Variants in CAPS2 observed in about 807,000 individuals in gnomAD.
CAPS2 encodes the protein calcyphosine 2.
In CAPS2, 98 loss-of-function variants were observed where a neutral mutation model predicts 86.5. The ratio of observed to expected loss-of-function variants is 1.13; its 90% confidence interval spans 0.96 to 1.34. CAPS2 has a LOEUF of 1.34. Among genes scored for constraint, CAPS2 ranks in the 40% most tolerant of loss-of-function variants. The pLI is 0.00. For synonymous variants in CAPS2, 210 were observed against 225.1 expected (o/e 0.93, Z 0.60); for missense variants, 729 against 686.8 (o/e 1.06, Z -0.69).
intron 1 of CAPS2, among the ~76,000 whole-genome samples, chr12:75,366,202 C>T (rs74108751): frequency 0.016 from 2,402 of 152,152 alleles, 51 homozygotes; most frequent in African/African-American, 0.055. Flanking sequence ...CAATCCATAA[C>T]AAAATACATA....
At chr12:75,363,339 A>G in intron 1 of CAPS2, 1 of 397,222 alleles carries the variant, frequency 2.5e-6, no homozygotes. Context: ...CATAAATTGT[A>G]ATACTTAAAC....
At chr12:75,334,788 T>C (rs2041602904), upstream of CAPS2, 7 of 1,613,948 alleles carry the variant, frequency 4.3e-6, no homozygotes, top group South Asian at 7.7e-5. Context: ...TGGTAGCCAC[T>C]ACATCTTCCA....
chr12:75,322,860 C>A, intron 4 of CAPS2: 1 of 605,104 alleles, frequency 1.7e-6, no homozygotes, highest in Non-Finnish European at 2.9e-6. Context: ...TTTCACCAAC[C>A]TTATGGTTTG....
chr12:75,306,173 A>C, intron 7 of CAPS2: 1 of 882,452 alleles, frequency 1.1e-6, no homozygotes, highest in African/African-American at 1.7e-5. Context: ...AATTACCTGA[A>C]GTACCGGCCC....
chr12:75,332,827 A>T (rs1382717849), upstream of CAPS2, among the ~76,000 whole-genome samples: 3 of 152,206 alleles, frequency 2.0e-5, no homozygotes, highest in Non-Finnish European at 4.4e-5. Flanking sequence ...AATAACATAA[A>T]TTCAGGAGGT....
exon 17 of CAPS2, chr12:75,278,808 T>G (rs1004635271): frequency 7.4e-7 from 1 of 1,352,412 alleles, no homozygotes; most frequent in Non-Finnish European, 9.5e-7. Context: ...GGAAAATATA[T>G]TCCAGTGTTT....
intron 1 of CAPS2, among the ~76,000 whole-genome samples, chr12:75,377,802 C>T (rs537264099): frequency 3.3e-5 from 5 of 150,962 alleles, no homozygotes; most frequent in African/African-American, 9.7e-5. Context: ...TTGCATCCTC[C>T]AATCCAATCA....
intron 13 of CAPS2, 142 bp downstream of exon 13, chr12:75,291,602 T>TATATATATAC (rs2035972207): frequency 1.5e-5 from 1 of 67,588 alleles, no homozygotes; most frequent in South Asian, 5.7e-4. Flanking sequence ...TATATATATA[T>TATATATATAC]ATATATATAT....
chr12:75,293,972 G>A (rs558118686), intron 11 of CAPS2, among the ~76,000 whole-genome samples: 17 of 151,918 alleles, frequency 1.1e-4, no homozygotes, highest in Middle Eastern at 3.4e-3. Flanking sequence ...TCGCACTGTC[G>A]CCCAGGCCGC....
At chr12:75,281,449 C>T (rs1215630248) in intron 16 of CAPS2, among the ~76,000 whole-genome samples, 1 of 151,780 alleles carries the variant, frequency 6.6e-6, no homozygotes, top group Non-Finnish European at 1.5e-5. Context: ...TAAGGTGGCT[C>T]AATGTGGATT....
chr12:75,325,150 A>G, intron 2 of CAPS2, 89 bp downstream of exon 3: 1 of 1,246,276 alleles, frequency 8.0e-7, no homozygotes, highest in South Asian at 1.6e-5. Context: ...TCATAGCTAC[A>G]TTTATAATTT....
chr12:75,326,418 T>G, exon 1 of CAPS2: 1 of 1,366,606 alleles, frequency 7.3e-7, no homozygotes, highest in Non-Finnish European at 1.0e-6. Context: ...GCTCACATAC[T>G]TGTAGAGGCT....
downstream of CAPS2, chr12:75,276,266 T>G (rs190158948): frequency 1.9e-6 from 3 of 1,538,778 alleles, no homozygotes; most frequent in Admixed American, 6.1e-5. Context: ...GATTATAGTT[T>G]ATCAGGGTAC....
exon 6 of CAPS2, chr12:75,316,344 C>T (rs990856276): frequency 3.9e-6 from 6 of 1,550,818 alleles, no homozygotes; most frequent in East Asian, 2.4e-5. Flanking sequence ...TGTTGTTTAT[C>T]GCAAGAGTTG....
intron 1 of CAPS2, among the ~76,000 whole-genome samples, chr12:75,387,076 T>C (rs184566546): frequency 1.3e-5 from 2 of 152,206 alleles, no homozygotes; most frequent in African/African-American, 4.8e-5. Flanking sequence ...CCATTAAAAC[T>C]AAAAATTTCT....
In CAPS2 at chr12:75,312,932, A is replaced by T; in HGVS notation, c.592-17T>A. On this transcript the variant is annotated splice_polypyrimidine_tract_variant and intron_variant, in intron 6 of 16. Transcript: ENST00000393284. ...CACAATTTCCTGGGAAGATTAAATAAAGACAACTTCACCATCCATAAAGCA... is the reference window on the plus strand; with the variant it reads ...CACAATTTCCTGGGAAGATTAAATATAGACAACTTCACCATCCATAAAGCA... The T allele has an allele frequency of 6.5e-7, 1 of 1,534,604 alleles. No homozygotes were observed. Among genetic ancestry groups the T allele is most frequent in the Non-Finnish European group, 9.0e-7 (1 of 1,109,050 alleles).
intron 1 of CAPS2, among the ~76,000 whole-genome samples, chr12:75,378,093 G>T (rs2044756795): frequency 6.6e-6 from 1 of 151,932 alleles, no homozygotes; most frequent in African/African-American, 2.4e-5. Context: ...CACCTACCAG[G>T]CTCAAGCAAT....
intron 1 of CAPS2, among the ~76,000 whole-genome samples, chr12:75,339,839 A>T (rs2041984909): frequency 6.6e-6 from 1 of 151,896 alleles, no homozygotes; most frequent in African/African-American, 2.4e-5. Flanking sequence ...AAAGTTATTT[A>T]CTGGTGATTT....
chr12:75,316,854 A>G (rs1400347156), intron 5 of CAPS2, among the ~76,000 whole-genome samples: 1 of 152,202 alleles, frequency 6.6e-6, no homozygotes, highest in Non-Finnish European at 1.5e-5. Context: ...ATTCAGAAAT[A>G]AAATACTAAA....
Sources: gnomAD v4.1 joint callset for allele counts (sites outside exome capture counted in the v4.1 genomes callset) on GRCh38, gnomAD v4.1.1 for gene constraint, MANE v1.5 for transcripts, NCBI Gene and HGNC (gene_info 2026-07-23, HGNC 2026-07-21) for gene names.